Variants in SETBP1 observed in about 807,000 individuals in gnomAD.
SETBP1 encodes SET-binding protein.
Under a neutral mutation model 101.0 loss-of-function variants are expected in SETBP1, and 9 were observed. That is an observed-to-expected ratio of 0.09 (90% confidence interval 0.05 to 0.16). SETBP1 has a LOEUF of 0.16. SETBP1 is among the 10% of genes least tolerant of loss of function. SETBP1 has a pLI of 1.00. For missense variants in SETBP1, 1,858 were observed against 2,033.8 expected (o/e 0.91, Z 1.66); for synonymous variants, 818 against 788.5 (o/e 1.04, Z -0.63).
chr18:44,876,914 A>G, intron 3 of SETBP1: 2 of 1,364,096 alleles, frequency 1.5e-6, no homozygotes, highest in Non-Finnish European at 1.9e-6. Flanking sequence ...CTAAAAGATA[A>G]TCCAAAAAGA....
intron 2 of SETBP1, among the ~76,000 whole-genome samples, chr18:44,819,575 C>T (rs1209666598): frequency 6.6e-6 from 1 of 152,158 alleles, no homozygotes; most frequent in African/African-American, 2.4e-5. Flanking sequence ...GACACTAGAT[C>T]CTCAGAGGTC....
intron 5 of SETBP1, among the ~76,000 whole-genome samples, chr18:45,044,580 C>T (rs2073571661): frequency 6.6e-6 from 1 of 152,098 alleles, no homozygotes; most frequent in African/African-American, 2.4e-5. Flanking sequence ...TAATCTGAAC[C>T]TCCTAGAGCA....
intron 4 of SETBP1, among the ~76,000 whole-genome samples, chr18:45,022,201 G>A (rs12968941): frequency 0.055 from 8,356 of 152,144 alleles, 297 homozygotes; most frequent in Non-Finnish European, 0.078. Context: ...ACCCACAGGT[G>A]AAATTCAAAC....
chr18:44,981,702 G>A (rs766120477), intron 4 of SETBP1, among the ~76,000 whole-genome samples: 21 of 152,112 alleles, frequency 1.4e-4, no homozygotes, highest in Non-Finnish European at 2.4e-4. Context: ...AATCTACATC[G>A]GCATAGAGAA....
At position 44,692,277 on chromosome 18, in the gene SETBP1, C is replaced by G. The variant is rs978004342; in HGVS notation, c.-172-8898C>G. Reference sequence around the variant, plus strand: ...CAGTATGTTCTTTCATAATTATTATCTCATTTAATCTTTACTTCTTGAAAC... The same window carrying G: ...CAGTATGTTCTTTCATAATTATTATGTCATTTAATCTTTACTTCTTGAAAC... On this transcript the variant is annotated intron_variant, in intron 1 of 5. Coordinates refer to ENST00000649279, the MANE Select transcript of SETBP1 (RefSeq NM_015559.3). Among the ~76,000 whole-genome samples, 7 of 152,232 alleles carry G rather than the reference C, an allele frequency of 4.6e-5. No homozygotes were observed. In the South Asian group the frequency reaches 1.4e-3, roughly 32 times the overall value.
At chr18:44,864,407 A>G (rs915436705) in intron 2 of SETBP1, among the ~76,000 whole-genome samples, 2 of 152,028 alleles carry the variant, frequency 1.3e-5, no homozygotes, top group African/African-American at 2.4e-5. Context: ...TCTCCCTTCA[A>G]TTCTCCTTGT....
At chr18:44,983,915 C>T (rs950404724) in intron 4 of SETBP1, among the ~76,000 whole-genome samples, 1 of 152,150 alleles carries the variant, frequency 6.6e-6, no homozygotes, top group East Asian at 1.9e-4. Context: ...AATCAAAATA[C>T]CATATAGGCC....
At chr18:45,027,856 C>A (rs2073201183) in intron 4 of SETBP1, among the ~76,000 whole-genome samples, 2 of 152,112 alleles carry the variant, frequency 1.3e-5, no homozygotes, top group Admixed American at 1.3e-4. Flanking sequence ...AGGAGAGCTC[C>A]ATTTCTTTCT....
In SETBP1 at chr18:44,900,146, T is replaced by C. The variant is rs2070008024; in HGVS notation, c.540+30863T>C. On this transcript the variant is annotated intron_variant, in intron 3 of 5. Coordinates refer to ENST00000649279, the MANE Select transcript of SETBP1 (RefSeq NM_015559.3). ...AAAGCTGAGATGAATAGATCAGTGGTTTCAAAGTGTGATCTTAGGACAACA... is the reference window on the plus strand; with the variant it reads ...AAAGCTGAGATGAATAGATCAGTGGCTTCAAAGTGTGATCTTAGGACAACA... 2.0e-5 allele frequency among the ~76,000 whole-genome samples: 3 copies of C among 152,242 alleles called. No homozygotes were observed. The South Asian group carries it at 6.2e-4, about 32-fold the overall frequency.
At position 44,740,050 on chromosome 18, in the gene SETBP1, C is replaced by A. The variant is rs773636824; in HGVS notation, c.486+38218C>A. 1.9e-4 allele frequency among the ~76,000 whole-genome samples: 29 copies of A among 152,310 alleles called. No homozygotes were observed. The East Asian group carries it at 3.9e-3, about 20-fold the overall frequency. On this transcript the variant is annotated intron_variant, in intron 2 of 5. Coordinates refer to ENST00000649279, the MANE Select transcript of SETBP1 (RefSeq NM_015559.3). ...GTTCCCCTCACCTCACCTCCCAAAT[C>A]CTGGTAAGGAACCAGGACCTGCCAA... is the stretch of plus-strand genomic sequence containing the variant.
chr18:44,932,345 G>A (rs1040173706), intron 3 of SETBP1, among the ~76,000 whole-genome samples: 2 of 152,180 alleles, frequency 1.3e-5, no homozygotes, highest in Non-Finnish European at 2.9e-5. Context: ...TGGGTAACCC[G>A]ACCTTTATCT....
chr18:44,755,236 A>G (rs944096672), intron 2 of SETBP1, among the ~76,000 whole-genome samples: 3 of 152,228 alleles, frequency 2.0e-5, no homozygotes, highest in South Asian at 2.1e-4. Context: ...TGCTTGTGTG[A>G]TGGTTAATAT....
chr18:45,045,126 A>T (rs934434571), intron 5 of SETBP1, among the ~76,000 whole-genome samples: 1 of 152,102 alleles, frequency 6.6e-6, no homozygotes, highest in Non-Finnish European at 1.5e-5. Context: ...TACTAAAAAA[A>T]AAAATAAAAA....
intron 2 of SETBP1, 58 bp from the exon 3 acceptor site, chr18:44,869,172 G>C (rs1355944618): frequency 6.8e-7 from 1 of 1,466,682 alleles, no homozygotes; most frequent in Non-Finnish European, 9.5e-7. Flanking sequence ...AGTTGTCGTG[G>C]GGATACTGTA....
chr18:44,712,465 C>T (rs75458399), intron 2 of SETBP1, among the ~76,000 whole-genome samples: 2,377 of 152,294 alleles, frequency 0.016, 76 homozygotes, highest in African/African-American at 0.054. Flanking sequence ...TTTTACAACA[C>T]ACAGTACCCC....
chr18:44,757,461 G>T (rs538247644), intron 2 of SETBP1, among the ~76,000 whole-genome samples: 1 of 152,262 alleles, frequency 6.6e-6, no homozygotes, highest in South Asian at 2.1e-4. Flanking sequence ...AGCCAAGGAT[G>T]CATGAACACA....
At chr18:44,895,325 G>A (rs1360616625) in intron 3 of SETBP1, among the ~76,000 whole-genome samples, 2 of 137,386 alleles carry the variant, frequency 1.5e-5, no homozygotes, top group Admixed American at 1.5e-4. Context: ...AGTGAAGGAA[G>A]GAAGGAAGGA....
intron 2 of SETBP1, among the ~76,000 whole-genome samples, chr18:44,806,864 T>G (rs536545536): frequency 6.6e-6 from 1 of 151,890 alleles, no homozygotes; most frequent in Non-Finnish European, 1.5e-5. Context: ...CATAGTGTCC[T>G]TATGTTTAGG....
chr18:44,852,475 C>G (rs1039228813), intron 2 of SETBP1, among the ~76,000 whole-genome samples: 1 of 152,208 alleles, frequency 6.6e-6, no homozygotes, highest in African/African-American at 2.4e-5. Context: ...AATGAATCCC[C>G]AGAGGGTCCG....
Sources: allele counts gnomAD v4.1 joint callset (sites outside exome capture counted in the v4.1 genomes callset), GRCh38; gene constraint gnomAD v4.1.1; transcripts MANE v1.5; gene names NCBI Gene and HGNC (gene_info 2026-07-23, HGNC 2026-07-21).